The following NRXN3 variants were observed in gnomAD, a reference collection of about 807,000 sequenced individuals.
The protein encoded by NRXN3 is neurexin III.
A neutral mutation model predicts 137.6 loss-of-function variants in NRXN3; 32 were observed. The ratio of observed to expected loss-of-function variants is 0.23; its 90% CI spans 0.18 to 0.31. The LOEUF is 0.31. Ranked by LOEUF, NRXN3 falls within the 10% of genes least tolerant of loss-of-function variation. The pLI is 1.00. For synonymous variants in NRXN3, 798 were observed against 784.5 expected, an observed-to-expected ratio of 1.02 and a Z score of -0.29; for missense variants, 1,574 against 2,062.5, an observed-to-expected ratio of 0.76 and a Z score of 4.59.
At chr14:78,801,379 A>G (rs139053798) in intron 8 of NRXN3, among the ~76,000 whole-genome samples, 268 of 152,248 alleles carry the variant, frequency 1.8e-3, no homozygotes, top group African/African-American at 6.0e-3. Flanking sequence ...AGTTTAATTG[A>G]CTCACAGTTC....
At chr14:79,133,344 T>C (rs1279093216) in intron 15 of NRXN3, among the ~76,000 whole-genome samples, 6 of 152,092 alleles carry the variant, frequency 3.9e-5, no homozygotes, top group African/African-American at 7.2e-5. Context: ...TAGAAGTTTA[T>C]GTTAGGTTTT....
chr14:79,493,640 T>A (rs1191224071), intron 16 of NRXN3, among the ~76,000 whole-genome samples: 1 of 152,198 alleles, frequency 6.6e-6, no homozygotes, highest in Non-Finnish European at 1.5e-5. Context: ...TGGATTTTAT[T>A]CCAACTATGA....
intron 10 of NRXN3, among the ~76,000 whole-genome samples, chr14:78,871,810 G>A (rs1263226333): frequency 6.6e-6 from 1 of 151,926 alleles, no homozygotes; most frequent in East Asian, 1.9e-4. Context: ...ACTGAGATCC[G>A]TCATCACAAA....
intron 4 of NRXN3, among the ~76,000 whole-genome samples, chr14:78,615,573 T>C (rs896773021): frequency 3.3e-5 from 5 of 151,954 alleles, no homozygotes; most frequent in Non-Finnish European, 5.9e-5. Flanking sequence ...ATCGCACCAC[T>C]GCACTTCAGC....
chr14:79,256,076 T>A (rs1201388108), intron 15 of NRXN3, among the ~76,000 whole-genome samples: 5 of 152,016 alleles, frequency 3.3e-5, no homozygotes. Flanking sequence ...TAAATGCATT[T>A]CTTTATGTCC....
At chr14:78,545,231 A>T (rs945023114) in intron 4 of NRXN3, among the ~76,000 whole-genome samples, 2 of 152,166 alleles carry the variant, frequency 1.3e-5, no homozygotes, top group Non-Finnish European at 2.9e-5. Context: ...GTCAAAAGGA[A>T]ACATAGGAAG....
intron 15 of NRXN3, among the ~76,000 whole-genome samples, chr14:79,267,447 C>T (rs1172091437): frequency 2.6e-5 from 4 of 151,842 alleles, no homozygotes; most frequent in Non-Finnish European, 4.4e-5. Context: ...CAACCTGCAC[C>T]TCCCAGGCTC....
At chr14:78,395,106 A>AT (rs1347892692) in intron 4 of NRXN3, among the ~76,000 whole-genome samples, 3 of 149,588 alleles carry the variant, frequency 2.0e-5, no homozygotes, top group Non-Finnish European at 3.0e-5. Flanking sequence ...TGGATTTATT[A>AT]TTTTTTTTTA....
At chr14:78,601,788 T>G (rs1019670049) in intron 4 of NRXN3, among the ~76,000 whole-genome samples, 2 of 152,166 alleles carry the variant, frequency 1.3e-5, no homozygotes, top group African/African-American at 4.8e-5. Flanking sequence ...TTTGGCACCC[T>G]CATCTTCTGC....
chr14:78,744,780 C>T (rs750061075), intron 8 of NRXN3: 1 of 152,056 alleles, frequency 6.6e-6, no homozygotes, highest in Non-Finnish European at 1.5e-5. Context: ...CAGAGGCCTG[C>T]AGTTTGAATG....
rs144642524 is a variant in NRXN3 at position 79,152,355 on chromosome 14, G to C, written c.3262+164214G>C. 4.5e-3 allele frequency among the ~76,000 whole-genome samples: 681 copies of C among 152,102 alleles called. 7 individuals are homozygous for C. Among genetic ancestry groups the C allele is most frequent in the African/African-American group, 0.015 (643 of 41,520 alleles). On this transcript the variant is annotated intron_variant, in intron 15 of 20. Coordinates refer to ENST00000335750, the MANE Select transcript of NRXN3 (RefSeq NM_001330195.2). Reference sequence around the variant, plus strand: ...TTGATAACTAAATGAAAACAAAATGGAGTTCATCAAAGTGGATTTGTTTTG... The same window carrying C: ...TTGATAACTAAATGAAAACAAAATGCAGTTCATCAAAGTGGATTTGTTTTG...
chr14:79,510,990 G>C (rs2096927227), intron 16 of NRXN3, among the ~76,000 whole-genome samples: 1 of 152,164 alleles, frequency 6.6e-6, no homozygotes, highest in African/African-American at 2.4e-5. Context: ...TCAATCTTGA[G>C]TTGATCACAA....
At chr14:79,497,703 A>T (rs1487461263) in intron 16 of NRXN3, among the ~76,000 whole-genome samples, 2 of 152,174 alleles carry the variant, frequency 1.3e-5, no homozygotes, top group Non-Finnish European at 2.9e-5. Context: ...ACCTGACCAC[A>T]TCTGAGTTTA....
At chr14:79,855,350 T>C (rs2099400274) in intron 20 of NRXN3, among the ~76,000 whole-genome samples, 1 of 152,210 alleles carries the variant, frequency 6.6e-6, no homozygotes, top group Admixed American at 6.5e-5. Context: ...TATAGAAATA[T>C]CAAACTGAAT....
chr14:79,842,917 A>T (rs753508627), intron 20 of NRXN3, among the ~76,000 whole-genome samples: 25 of 152,076 alleles, frequency 1.6e-4, no homozygotes, highest in Non-Finnish European at 2.6e-4. Context: ...CCACTGTTTT[A>T]TTCTCTATCT....
chr14:79,459,015 G>A (rs1434791441), intron 15 of NRXN3, among the ~76,000 whole-genome samples: 1 of 151,170 alleles, frequency 6.6e-6, no homozygotes, highest in Non-Finnish European at 1.5e-5. Context: ...ATATTAGAAA[G>A]CCATTGTCCT....
chr14:79,770,272 A>G (rs1403395172), intron 19 of NRXN3, among the ~76,000 whole-genome samples: 1 of 152,110 alleles, frequency 6.6e-6, no homozygotes, highest in Non-Finnish European at 1.5e-5. Flanking sequence ...CACCAAGCGG[A>G]CCTAATAGAC....
rs754177687 is a variant in NRXN3, at chr14:78,965,986, G to A, written c.2396-39G>A. 6.9e-6 allele frequency: 11 copies of A among 1,589,600 alleles called. No homozygotes were observed. The African/African-American group carries it at 1.1e-4, about 16-fold the overall frequency. ...CTTGAGGGTGCTGTGATAAATGATGGTAACTTTTCTGTTTGTACCTCATTT... is the reference window on the plus strand; with the variant it reads ...CTTGAGGGTGCTGTGATAAATGATGATAACTTTTCTGTTTGTACCTCATTT... On this transcript the variant is annotated intron_variant, in intron 11 of 20. Transcript: ENST00000335750.
intron 3 of NRXN3, among the ~76,000 whole-genome samples, chr14:78,286,783 C>T (rs2075233214): frequency 6.6e-6 from 1 of 152,206 alleles, no homozygotes; most frequent in Non-Finnish European, 1.5e-5. Flanking sequence ...TTGAGCCCTT[C>T]CTGTGTGCTA....
Sources: gnomAD v4.1 joint callset for allele counts (sites outside exome capture counted in the v4.1 genomes callset) on GRCh38, gnomAD v4.1.1 for gene constraint, MANE v1.5 for transcripts, NCBI Gene and HGNC (gene_info 2026-07-23, HGNC 2026-07-21) for gene names.